Variants in NAF1 observed in about 807,000 individuals in gnomAD.
The protein encoded by NAF1 is nuclear assembly factor 1 ribonucleoprotein.
A neutral mutation model predicts 40.6 loss-of-function variants in NAF1; 11 were observed. That is an observed-to-expected ratio of 0.27 (90% CI 0.17 to 0.45). The LOEUF (loss-of-function observed/expected upper bound fraction) is 0.45. NAF1 is among the 20% of genes least tolerant of loss of function. The pLI, the probability that NAF1 is intolerant of heterozygous loss-of-function variation, is 1.00. For synonymous variants in NAF1, 260 were observed against 228.5 expected (o/e 1.14, Z -1.24); for missense variants, 607 against 611.1 (o/e 0.99, Z 0.07).
intron 2 of NAF1, among the ~76,000 whole-genome samples, chr4:163,120,601 G>A (rs945268585): frequency 5.3e-5 from 8 of 152,170 alleles, no homozygotes; most frequent in Admixed American, 2.0e-4. Flanking sequence ...TAAAATATGC[G>A]TAACAATTAG....
chr4:163,166,241 C>G, intron 1 of NAF1, 122 bp downstream of exon 1: 1 of 1,242,706 alleles, frequency 8.0e-7, no homozygotes, highest in East Asian at 2.7e-5. Flanking sequence ...GAGCCCGGAG[C>G]ACCAACGACC....
chr4:163,117,621 G>C lies in NAF1; in HGVS notation c.115-7331C>G, dbSNP rs149990044. Reference sequence around the variant, plus strand: ...AAGTAGAGAAAACCAGAAAGGGAAAGCAAATGTCTCCTAGGATACTAAGTC... The same window carrying C: ...AAGTAGAGAAAACCAGAAAGGGAAACCAAATGTCTCCTAGGATACTAAGTC... On this transcript the variant is annotated intron_variant, in intron 2 of 2. Transcript: ENST00000509434. The C allele has an allele frequency of 2.7e-3, 393 of 147,666 alleles. 3 individuals are homozygous for C. The highest frequency in any genetic ancestry group is 9.6e-3 in the African/African-American group (381 of 39,746). The allele number at this position is 147,666 out of a possible 1,614,324, so 9.1% of individuals were successfully genotyped here.
chr4:163,118,708 G>A (rs895756190), intron 2 of NAF1, among the ~76,000 whole-genome samples: 6 of 151,988 alleles, frequency 3.9e-5, no homozygotes, highest in East Asian at 1.9e-4. Flanking sequence ...AGCCAATATC[G>A]CACCATTGCA....
chr4:163,128,136 A>T (rs1219204855), downstream of NAF1, among the ~76,000 whole-genome samples: 3 of 152,212 alleles, frequency 2.0e-5, no homozygotes, highest in Non-Finnish European at 4.4e-5. Context: ...TCAGATATTC[A>T]ATAACTATTT....
intron 2 of NAF1, among the ~76,000 whole-genome samples, chr4:163,116,398 CTGTG>C (rs965102647): frequency 5.3e-5 from 8 of 151,684 alleles, no homozygotes; most frequent in African/African-American, 1.9e-4. Context: ...GTGTGTATGT[CTGTG>C]TGTGTGTGAG....
chr4:163,107,356 A>G (rs978551981), downstream of NAF1, among the ~76,000 whole-genome samples: 11 of 152,192 alleles, frequency 7.2e-5, no homozygotes, highest in African/African-American at 2.4e-4. Context: ...GCAAGTCTCT[A>G]TGTGTACTTG....
intron 2 of NAF1, among the ~76,000 whole-genome samples, chr4:163,111,842 T>C (rs184094527): frequency 1.1e-3 from 164 of 152,170 alleles, no homozygotes; most frequent in African/African-American, 3.4e-3. Flanking sequence ...GTAAAAGAGT[T>C]TGATGTCCTG....
At position 163,160,725 on chromosome 4, in the gene NAF1, G is replaced by A. The variant is rs1377906680; in HGVS notation, c.540+3492C>T. 3.3e-5 allele frequency among the ~76,000 whole-genome samples: 5 copies of A among 152,192 alleles called. No homozygotes were observed. The East Asian group carries it at 9.6e-4, about 29-fold the overall frequency. On this transcript the variant is annotated intron_variant, in intron 2 of 7. Transcript: ENST00000274054. ...ACTGGGCTAAATTGGGCATGTCTAT[G>A]TCCAGATCCCTGAAGGTCCAGCACA...
intron 6 of NAF1, chr4:163,135,030 T>G (rs1207041104): frequency 6.6e-6 from 1 of 152,212 alleles, no homozygotes; most frequent in African/African-American, 2.4e-5. Flanking sequence ...AAATTTCCAT[T>G]CATTAAATAC....
At chr4:163,153,577 C>T (rs923047023) in intron 2 of NAF1, among the ~76,000 whole-genome samples, 12 of 152,134 alleles carry the variant, frequency 7.9e-5, no homozygotes, top group Non-Finnish European at 2.9e-5. Flanking sequence ...ATGCACCAAT[C>T]GACACTCTGT....
In NAF1 at chr4:163,140,305, C is replaced by G. The variant is rs1180162215; in HGVS notation, c.796G>C (p.Gly266Arg). 3.1e-6 allele frequency: 5 copies of G among 1,608,516 alleles called. No homozygotes were observed. Among genetic ancestry groups the G allele is most frequent in the Non-Finnish European group, 4.2e-6 (5 of 1,177,292 alleles). ...FNSSDHIESKGIKIKETMYFA... is the reference protein window; with the variant it reads ...FNSSDHIESKRIKIKETMYFA... ...TACATAGTCTCCTTTATTTTAATAC[C>G]TTTACTCTCAATGTGATCTGAAGAA... The change falls in exon 5 of 8, where the codon GGT (glycine) becomes CGT (arginine). Residue 266 changes from glycine (G) to arginine (R), a missense_variant. Gly to Arg is a moderately radical substitution (Grantham distance 125). Around this residue, in one of 3 missense-constraint regions of NAF1, gnomAD observed 407 missense variants for 365.5 expected, o/e 1.11. Coordinates refer to ENST00000274054, the MANE Select transcript of NAF1 (RefSeq NM_138386.3).
intron 2 of NAF1, among the ~76,000 whole-genome samples, chr4:163,161,422 G>A (rs554687753): frequency 3.3e-5 from 5 of 151,952 alleles, no homozygotes; most frequent in South Asian, 2.1e-4. Context: ...ACAGTGAGTC[G>A]AGATCGGCCA....
downstream of NAF1, among the ~76,000 whole-genome samples, chr4:163,127,375 C>G (rs1382313579): frequency 2.6e-5 from 4 of 152,284 alleles, no homozygotes; most frequent in East Asian, 7.7e-4. Context: ...GGTGATCCAC[C>G]CACCTCAGCC....
At chr4:163,117,761 C>A (rs1730393600) in intron 2 of NAF1, among the ~76,000 whole-genome samples, 1 of 151,036 alleles carries the variant, frequency 6.6e-6, no homozygotes, top group African/African-American at 2.4e-5. Context: ...CTGTAAAGGT[C>A]AGCACTCTGG....
At chr4:163,148,513 T>C (rs769502465) in intron 2 of NAF1, 79 bp from the exon 3 acceptor site, 5 of 945,256 alleles carry the variant, frequency 5.3e-6, no homozygotes, top group Non-Finnish European at 8.1e-6. Flanking sequence ...CCATTTTAAG[T>C]GCTACACATC....
intron 1 of NAF1, among the ~76,000 whole-genome samples, chr4:163,165,498 C>T (rs941494505): frequency 1.3e-5 from 2 of 152,166 alleles, no homozygotes; most frequent in Non-Finnish European, 2.9e-5. Context: ...CCAAGAAATC[C>T]AACCTTGTTT....
At chr4:163,145,065 C>T (rs1051759218) in intron 4 of NAF1, among the ~76,000 whole-genome samples, 5 of 152,100 alleles carry the variant, frequency 3.3e-5, no homozygotes, top group Non-Finnish European at 7.4e-5. Context: ...ATAAAACTGT[C>T]CCTATTGCCA....
chr4:163,105,359 C>T (rs552771612), downstream of NAF1, among the ~76,000 whole-genome samples: 53 of 152,340 alleles, frequency 3.5e-4, no homozygotes, highest in Non-Finnish European at 7.1e-4. Flanking sequence ...CCACTTAACA[C>T]AATGCCTGGT....
chr4:163,124,412 A>T (rs1265833802), downstream of NAF1, among the ~76,000 whole-genome samples: 1 of 140,412 alleles, frequency 7.1e-6, no homozygotes, highest in Non-Finnish European at 1.6e-5. Flanking sequence ...TAAGGCACTA[A>T]TCCATACATA....
Sources: allele counts gnomAD v4.1 joint callset (sites outside exome capture counted in the v4.1 genomes callset), GRCh38; gene constraint gnomAD v4.1.1; regional missense constraint gnomAD v4.1.1; transcripts MANE v1.5; gene names NCBI Gene and HGNC (gene_info 2026-07-23, HGNC 2026-07-21).